Variants in KCNJ6 observed in about 807,000 individuals in gnomAD.
KCNJ6 encodes G protein-activated inward rectifier potassium channel 2.
A neutral mutation model predicts 34.2 loss-of-function variants in KCNJ6; 9 were observed. That is an observed-to-expected ratio of 0.26 (90% CI 0.16 to 0.46). KCNJ6 has a LOEUF of 0.46. Ranked by LOEUF, KCNJ6 falls within the 20% of genes least tolerant of loss-of-function variation. KCNJ6 has a pLI of 1.00. For synonymous variants in KCNJ6, 196 were observed against 207.1 expected (o/e 0.95, Z 0.46); for missense variants, 236 against 531.3 (o/e 0.44, Z 5.46).
chr21:37,660,380 G>A (rs1049630938), intron 3 of KCNJ6, among the ~76,000 whole-genome samples: 5 of 152,282 alleles, frequency 3.3e-5, no homozygotes, highest in East Asian at 3.9e-4. Context: ...GGCTGGCTTC[G>A]GGGCTCTCCT....
rs553806788 is a variant in KCNJ6, at chr21:37,873,552, T to C, written c.-27-32843A>G. ...ACAACTAGCTGAGCATTGCTAGCAG[T>C]GTGCATACTCGTCTAGGCTTGGTGT... On this transcript the variant is annotated intron_variant, in intron 1 of 3. Coordinates refer to ENST00000609713, the MANE Select transcript of KCNJ6 (RefSeq NM_002240.5). 4.6e-5 allele frequency among the ~76,000 whole-genome samples: 7 copies of C among 152,354 alleles called. No individual in the cohort carries two copies. In the East Asian group the frequency reaches 7.7e-4, roughly 17 times the overall value.
chr21:37,649,119 T>A (rs1295095873), intron 3 of KCNJ6, among the ~76,000 whole-genome samples: 1 of 113,282 alleles, frequency 8.8e-6, no homozygotes, highest in Non-Finnish European at 1.6e-5. Flanking sequence ...GGTGACAGAG[T>A]GAGACTCCAT....
In KCNJ6 at chr21:37,742,921, A is replaced by G. The variant is rs858018; in HGVS notation, c.26-27790T>C. Among the ~76,000 whole-genome samples the G allele has an allele frequency of 2.2e-4, 34 of 152,108 alleles. No homozygotes were observed. The East Asian group carries it at 5.4e-3, about 24-fold the overall frequency. On this transcript the variant is annotated intron_variant, in intron 2 of 3. Transcript: ENST00000609713. The stretch of plus-strand genomic sequence containing the variant: ...TGGGGGAACTCAGGATTCTCTAAGG[A>G]CTGTGCTCCTTCCTGCAGATGTGTG...
At chr21:37,853,435 G>A (rs7276928) in intron 1 of KCNJ6, among the ~76,000 whole-genome samples, 50,792 of 151,894 alleles carry the variant, frequency 0.33, 10,446 homozygotes, top group East Asian at 0.59. Context: ...CAGCAAAAAT[G>A]TCTTTCATGA....
chr21:37,821,162 C>T (rs1323857609), intron 2 of KCNJ6, among the ~76,000 whole-genome samples: 1 of 152,122 alleles, frequency 6.6e-6, no homozygotes, highest in East Asian at 1.9e-4. Flanking sequence ...TTTGTTCTGA[C>T]CCCAGTATAA....
chr21:37,821,752 CTGGGT>C (rs2055374287), intron 2 of KCNJ6, among the ~76,000 whole-genome samples: 1 of 152,180 alleles, frequency 6.6e-6, no homozygotes, highest in Non-Finnish European at 1.5e-5. Flanking sequence ...CTTTAGTCTA[CTGGGT>C]CTGGTTAATC....
At chr21:37,740,478 T>C (rs534826911) in intron 2 of KCNJ6, among the ~76,000 whole-genome samples, 28 of 152,322 alleles carry the variant, frequency 1.8e-4, no homozygotes, top group African/African-American at 6.3e-4. Flanking sequence ...ACATTCTAAA[T>C]CTACCTATAA....
At chr21:37,754,851 G>A (rs2055015774) in intron 2 of KCNJ6, among the ~76,000 whole-genome samples, 1 of 152,190 alleles carries the variant, frequency 6.6e-6, no homozygotes, top group African/African-American at 2.4e-5. Context: ...CCTTTTGGGG[G>A]CTGTTCCTAG....
intron 3 of KCNJ6, among the ~76,000 whole-genome samples, chr21:37,627,175 C>T (rs2054315021): frequency 6.6e-6 from 1 of 152,190 alleles, no homozygotes; most frequent in African/African-American, 2.4e-5. Context: ...TGCCAGGGAC[C>T]TATGTGGTTG....
At chr21:37,875,579 G>A (rs577367433) in intron 1 of KCNJ6, among the ~76,000 whole-genome samples, 236 of 152,358 alleles carry the variant, frequency 1.5e-3, no homozygotes, top group African/African-American at 5.3e-3. Context: ...GCTGCTGCAG[G>A]ATGTGCAGCT....
At chr21:37,848,671 C>T (rs920106553) in intron 1 of KCNJ6, among the ~76,000 whole-genome samples, 3 of 152,194 alleles carry the variant, frequency 2.0e-5, no homozygotes, top group African/African-American at 7.2e-5. Context: ...CTAACATTGC[C>T]TCAATTCCTT....
chr21:37,632,966 A>G (rs985135266), intron 3 of KCNJ6, among the ~76,000 whole-genome samples: 1 of 152,138 alleles, frequency 6.6e-6, no homozygotes, highest in Non-Finnish European at 1.5e-5. Flanking sequence ...TAGAAGAATC[A>G]TTTCCTAACT....
At chr21:37,747,484 C>G (rs565533392) in intron 2 of KCNJ6, among the ~76,000 whole-genome samples, 3 of 152,342 alleles carry the variant, frequency 2.0e-5, no homozygotes, top group South Asian at 4.1e-4. Flanking sequence ...TATACAGAAT[C>G]TGTGAATATG....
intron 1 of KCNJ6, among the ~76,000 whole-genome samples, chr21:37,870,661 A>G (rs8126718): frequency 0.8 from 121,501 of 151,802 alleles, 49,196 homozygotes; most frequent in East Asian, 0.91. Context: ...ATTTGAAAGT[A>G]AATTTGTACA....
At chr21:37,805,175 C>T (rs760921698) in intron 2 of KCNJ6, among the ~76,000 whole-genome samples, 1 of 151,982 alleles carries the variant, frequency 6.6e-6, no homozygotes, top group Non-Finnish European at 1.5e-5. Flanking sequence ...AATGTTCTGG[C>T]ATTAGATTGT....
chr21:37,761,192 A>ATGTGTGTGTATGTATTG (rs2055059984), intron 2 of KCNJ6, among the ~76,000 whole-genome samples: 1 of 147,366 alleles, frequency 6.8e-6, no homozygotes, highest in Non-Finnish European at 1.5e-5. Flanking sequence ...TGTGTGTGCG[A>ATGTGTGTGTATGTATTG]TGTGTGTGTA....
At chr21:37,705,144 T>C (rs1321297163) in intron 3 of KCNJ6, among the ~76,000 whole-genome samples, 5 of 152,316 alleles carry the variant, frequency 3.3e-5, no homozygotes, top group East Asian at 1.9e-4. Flanking sequence ...TTATATATCA[T>C]TGAGCCATAG....
chr21:37,855,829 A>AT (rs2123596167), intron 1 of KCNJ6, among the ~76,000 whole-genome samples: 1 of 152,290 alleles, frequency 6.6e-6, no homozygotes, highest in African/African-American at 2.4e-5. Context: ...GTGGTTCCTA[A>AT]TTTTTTAAAA....
At chr21:37,885,507 A>G (rs1271586789) in intron 1 of KCNJ6, among the ~76,000 whole-genome samples, 1 of 152,198 alleles carries the variant, frequency 6.6e-6, no homozygotes, top group Non-Finnish European at 1.5e-5. Context: ...GTGGGGGCAG[A>G]CCTGAGCACT....
Sources: gnomAD v4.1 joint callset for allele counts (sites outside exome capture counted in the v4.1 genomes callset) on GRCh38, gnomAD v4.1.1 for gene constraint, MANE v1.5 for transcripts, NCBI Gene and HGNC (gene_info 2026-07-23, HGNC 2026-07-21) for gene names.